ACE: variants seen among roughly 807,000 people sequenced by gnomAD.
ACE encodes angiotensin I converting enzyme.
Under a neutral mutation model 162.3 loss-of-function variants are expected in ACE, and 122 were observed. The ratio of observed to expected loss-of-function variants is 0.75; its 90% confidence interval spans 0.65 to 0.87. The LOEUF (loss-of-function observed/expected upper bound fraction) is 0.87. Ranked by LOEUF, ACE falls within the 40% of genes least tolerant of loss-of-function variation. The probability of loss-of-function intolerance (pLI) is 0.00; values close to 1 mark genes in which losing one functional copy is unlikely to be tolerated. For missense variants in ACE, 1,799 were observed against 1,735.1 expected (o/e 1.04, Z -0.65); for synonymous variants, 796 against 720.6 (o/e 1.10, Z -1.68).
At position 63,493,980 on chromosome 17, in the gene ACE, C is replaced by T. The variant is rs1300081096; in HGVS notation, c.3195C>T (p.Phe1065=). 1.9e-6 allele frequency: 3 copies of T among 1,614,140 alleles called. No homozygotes were observed. Among genetic ancestry groups the T allele is most frequent in the South Asian group, 1.1e-5 (1 of 91,072 alleles). ...MALDKIAFIP[F]SYLVDQWRWR... The stretch of plus-strand genomic sequence containing the variant: ...TTGACAAGATCGCCTTTATCCCCTT[C>T]AGCTACCTCGTCGATCAGTGGCGCT... The change falls in exon 21 of 25, where the codon TTC becomes TTT. Residue 1065 remains phenylalanine (F), a synonymous_variant. Transcript: ENST00000290866.
intron 13 of ACE, chr17:63,485,826 T>G: frequency 4.4e-6 from 1 of 228,218 alleles, no homozygotes; most frequent in South Asian, 5.9e-5. Context: ...ATTTACTCAA[T>G]GCCTGAGCAA....
rs1488228107 is a variant in ACE at position 63,491,862 on chromosome 17, C to A, written c.2912+481C>A. Among the ~76,000 whole-genome samples, 2 of 152,210 alleles carry A rather than the reference C, an allele frequency of 1.3e-5. No individual in the cohort carries two copies. Among genetic ancestry groups the A allele is most frequent in the African/African-American group, 4.8e-5 (2 of 41,466 alleles). On this transcript the variant is annotated intron_variant, in intron 19 of 24. Transcript: ENST00000290866. The surrounding 1 kb of genome is among the most constrained non-coding windows in gnomAD (Gnocchi z 4.4). The stretch of plus-strand genomic sequence containing the variant: ...CCAAGCACCCCAGAGCTTAGCCTTA[C>A]GAAACAACCAGTTGATTTTGCTTAT...
At chr17:63,495,445 C>T (rs1282660514) in intron 22 of ACE, among the ~76,000 whole-genome samples, 2 of 152,228 alleles carry the variant, frequency 1.3e-5, no homozygotes, top group Admixed American at 6.5e-5. Flanking sequence ...GGCCCATGCC[C>T]ACCTTGCCTC....
In ACE at chr17:63,481,073, C is replaced by T. The variant is rs1211973831; in HGVS notation, c.848-18C>T. ...AGCCAGGCAGGGAGCCAAGCTGTCC[C>T]CTTCCTTCCTTATCTAGGAGACATG... On this transcript the variant is annotated intron_variant, in intron 5 of 24. Transcript: ENST00000290866. The T allele has an allele frequency of 6.2e-7, 1 of 1,612,284 alleles. No homozygotes were observed. The highest frequency in any genetic ancestry group is 1.7e-5 in the Admixed American group (1 of 60,008).
intron 15 of ACE, among the ~76,000 whole-genome samples, chr17:63,488,342 G>C (rs1599148162): frequency 7.4e-6 from 1 of 136,036 alleles, no homozygotes; most frequent in Non-Finnish European, 1.5e-5. Flanking sequence ...CTGGGCAACA[G>C]AGTGAGACCC....
chr17:63,489,317 G>A lies in ACE; in HGVS notation c.2641+185G>A, dbSNP rs2030218557. Among the ~76,000 whole-genome samples the A allele has an allele frequency of 2.0e-5, 3 of 152,180 alleles. No individual in the cohort carries two copies. The South Asian group carries it at 6.2e-4, about 31-fold the overall frequency. ...AGTGGGGAGCCCCCCACTTGCATCT[G>A]GTGCCACATTCACTGCAGATCTATG... On this transcript the variant is annotated intron_variant, in intron 17 of 24. Transcript: ENST00000290866.
At position 63,482,528 on chromosome 17, in the gene ACE, A is replaced by G. The variant is rs775932125; in HGVS notation, c.1181A>G (p.His394Arg). 1.9e-6 allele frequency: 3 copies of G among 1,614,054 alleles called. No homozygotes were observed. The highest frequency in any genetic ancestry group is 2.2e-5 in the East Asian group (1 of 44,846). ...TCCACAGTGCACCATGAGATGGGCC[A>G]TATACAGTACTACCTGCAGTACAAG... The part of the protein sequence containing the change: ...QLSTVHHEMG[H>R]IQYYLQYKDL... Residue 394 changes from histidine (H) to arginine (R), a missense_variant, in exon 8 of 25, where the codon CAT (histidine) becomes CGT (arginine). By Grantham distance (29) the His-to-Arg change is conservative. Coordinates refer to ENST00000290866, the MANE Select transcript of ACE (RefSeq NM_000789.4).
chr17:63,496,550 C>G, intron 23 of ACE, 34 bp downstream of exon 23: 1 of 1,613,424 alleles, frequency 6.2e-7, no homozygotes, highest in East Asian at 2.2e-5. Context: ...TGTTTCCATG[C>G]TCTGGCCTGC....
At position 63,484,930 on chromosome 17, in the gene ACE, G is replaced by A; in HGVS notation, c.1922-306G>A. The A allele has an allele frequency of 1.3e-6, 2 of 1,596,564 alleles. No homozygotes were observed. The highest frequency in any genetic ancestry group is 2.3e-5 in the East Asian group (1 of 43,948). ...TCCTCTTCCTGCTGCTCTGCTACGG[G>A]CACCCTCTGCTGGTCCCCAGCCAGG... On this transcript the variant is annotated intron_variant, in intron 12 of 24. Transcript: ENST00000290866. The surrounding 1 kb of genome is among the most constrained non-coding windows in gnomAD (Gnocchi z 4.0).
In ACE at chr17:63,486,973, C is replaced by T. The variant is rs750347579; in HGVS notation, c.2218-13C>T. On this transcript the variant is annotated splice_polypyrimidine_tract_variant and intron_variant, in intron 14 of 24. Transcript: ENST00000290866. ...AAAGGAGTACAGCTCATTGCCTCTC[C>T]TTCCTCCTGCAGTACAACAAGATCC... 1 of 1,610,578 alleles carries T rather than the reference C, an allele frequency of 6.2e-7. No individual in the cohort carries two copies. The highest frequency in any genetic ancestry group is 8.5e-7 in the Non-Finnish European group (1 of 1,176,946).
Position 63,498,287 on chromosome 17 carries a change from T to G in ACE, c.*921T>G, listed in dbSNP as rs1460899122. 1.3e-5 allele frequency: 2 copies of G among 152,242 alleles called. No individual in the cohort carries two copies. The highest frequency in any genetic ancestry group is 2.9e-5 in the Non-Finnish European group (2 of 68,050). 9.4% of individuals were successfully genotyped at this position (152,242 alleles called of 1,614,324 possible). ...GGGAGTGTCATTTTAAGGGACATTT[T>G]TATGACTTTTATGTGTATGTTTATG... On this transcript the variant is annotated 3_prime_UTR_variant, in exon 25 of 25. Coordinates refer to ENST00000290866, the MANE Select transcript of ACE (RefSeq NM_000789.4).
At chr17:63,488,907 G>C (rs1232718417) in intron 16 of ACE, 34 bp from the exon 17 acceptor site, 1 of 1,613,834 alleles carries the variant, frequency 6.2e-7, no homozygotes, top group South Asian at 1.1e-5. Flanking sequence ...AGGTAATGTG[G>C]TGTTGGGAGA....
intron 15 of ACE, among the ~76,000 whole-genome samples, chr17:63,487,549 C>G (rs1219830155): frequency 1.3e-5 from 2 of 152,152 alleles, no homozygotes; most frequent in Non-Finnish European, 1.5e-5. Context: ...CAGACTAGAA[C>G]CTGAGCCTCT....
At chr17:63,490,735 C>T in intron 17 of ACE, 2 of 583,894 alleles carry the variant, frequency 3.4e-6, no homozygotes, top group Non-Finnish European at 6.2e-6. Flanking sequence ...CCCTGATAAC[C>T]AGCAAGGCCC....
chr17:63,488,570 C>G (rs1287048434), intron 15 of ACE, 78 bp from the exon 16 acceptor site: 3 of 1,482,220 alleles, frequency 2.0e-6, no homozygotes, highest in Middle Eastern at 1.7e-4. Context: ...TTTATTCCAG[C>G]TCTGAAATTC....
In ACE at chr17:63,477,218, G is replaced by T; in HGVS notation, c.124G>T (p.Asp42Tyr). Residue 42 changes from aspartate to tyrosine, a missense_variant, in exon 1 of 25, where the codon GAC becomes TAC. Coordinates refer to ENST00000290866, the MANE Select transcript of ACE (RefSeq NM_000789.4). Reference protein sequence around the residue: ...PGLQPGNFSADEAGAQLFAQS... With the variant: ...PGLQPGNFSAYEAGAQLFAQS... ...GCTGCAGCCCGGCAACTTTTCTGCTGACGAGGCCGGGGCGCAGCTCTTCGC... is the reference window on the plus strand; with the variant it reads ...GCTGCAGCCCGGCAACTTTTCTGCTTACGAGGCCGGGGCGCAGCTCTTCGC... The T allele has an allele frequency of 2.0e-6, 3 of 1,496,700 alleles. No individual in the cohort carries two copies. The highest frequency in any genetic ancestry group is 2.7e-6 in the Non-Finnish European group (3 of 1,126,948). 92.7% of individuals were successfully genotyped at this position (1,496,700 alleles called of 1,614,324 possible). A position where few individuals can be genotyped will look rare whatever the true frequency, so the allele number is the denominator to read the frequency against.
chr17:63,486,983 C>T lies in ACE; in HGVS notation c.2218-3C>T, dbSNP rs1418567921. ...AGCTCATTGCCTCTCCTTCCTCCTG[C>T]AGTACAACAAGATCCTGTTGGATAT... On this transcript the variant is annotated splice_polypyrimidine_tract_variant and splice_region_variant and intron_variant, in intron 14 of 24. Transcript: ENST00000290866. 1.2e-6 allele frequency: 2 copies of T among 1,612,818 alleles called. No individual in the cohort carries two copies. The highest frequency in any genetic ancestry group is 1.1e-5 in the South Asian group (1 of 91,074).
In ACE at chr17:63,483,568, C is replaced by T; in HGVS notation, c.1586+10C>T. 2 of 1,585,844 alleles carry T rather than the reference C, an allele frequency of 1.3e-6. No individual in the cohort carries two copies. The highest frequency in any genetic ancestry group is 1.7e-5 in the Admixed American group (1 of 58,806). ...TGACACCATACATCAGGTATTAGCGCCCCCACCCCACCCACCCCCAGTACT... is the reference window on the plus strand; with the variant it reads ...TGACACCATACATCAGGTATTAGCGTCCCCACCCCACCCACCCCCAGTACT... On this transcript the variant is annotated intron_variant, in intron 10 of 24. Transcript: ENST00000290866.
Position 63,483,324 on chromosome 17 carries a change from C to T in ACE, c.1488-136C>T. On this transcript the variant is annotated intron_variant, in intron 9 of 24. Transcript: ENST00000290866. ...CCGCCTTCTCCTTTCCTGCCTGAAACTCCCTCTTCCAGGAAGTCTTCCCCA... is the reference window on the plus strand; with the variant it reads ...CCGCCTTCTCCTTTCCTGCCTGAAATTCCCTCTTCCAGGAAGTCTTCCCCA... 5 of 1,488,300 alleles carry T rather than the reference C, an allele frequency of 3.4e-6. No homozygotes were observed. In the East Asian group the frequency reaches 9.0e-5, roughly 27 times the overall value. 92.2% of individuals were successfully genotyped at this position (1,488,300 alleles called of 1,614,324 possible).
Sources: gnomAD v4.1 joint callset for allele counts (sites outside exome capture counted in the v4.1 genomes callset) on GRCh38, gnomAD v4.1.1 for gene constraint, Gnocchi (gnomAD v3.1) non-coding constraint, MANE v1.5 for transcripts, NCBI Gene and HGNC (gene_info 2026-07-23, HGNC 2026-07-21) for gene names.